POTEE: variants seen among roughly 807,000 people sequenced by gnomAD.
POTEE encodes POTE ankyrin domain family member E.
In POTEE, 21 loss-of-function variants were observed where a neutral mutation model predicts 74.2. The observed-to-expected ratio is 0.28, with a 90% CI of 0.20 to 0.41. POTEE has a LOEUF of 0.41. Ranked by LOEUF, POTEE falls within the 10% of genes least tolerant of loss-of-function variation. The pLI, the probability that POTEE is intolerant of heterozygous loss-of-function variation, is 1.00. For missense variants in POTEE, 525 were observed against 1,158.6 expected, an observed-to-expected ratio of 0.45 and a Z score of 7.94; for synonymous variants, 211 against 432.8, an observed-to-expected ratio of 0.49 and a Z score of 6.36.
At chr2:131,235,347 G>A (rs932733473) in intron 9 of POTEE, among the ~76,000 whole-genome samples, 1 of 152,158 alleles carries the variant, frequency 6.6e-6, no homozygotes, top group African/African-American at 2.4e-5. Context: ...GAGCAGACGG[G>A]ACAGACATGT....
At position 131,263,955 on chromosome 2, in the gene POTEE, G is replaced by C. The variant is rs763320635; in HGVS notation, c.2500G>C (p.Val834Leu). The change falls in exon 18 of 18, where the codon GTG (valine) becomes CTG (leucine). Residue 834 changes from valine to leucine, a missense_variant. Physicochemically the swap from Val to Leu is conservative, Grantham distance 32. Transcript: ENST00000683005. ...FETFNTPAMY[V>L]AIQAVPSLYT... The stretch of plus-strand genomic sequence containing the variant: ...GACCTTCAACACCCCAGCCATGTAC[G>C]TGGCCATCCAGGCCGTGCCGTCCCT... 5.6e-6 allele frequency: 9 copies of C among 1,613,964 alleles called. No individual in the cohort carries two copies. The highest frequency in any genetic ancestry group is 1.1e-5 in the South Asian group (1 of 91,086).
At chr2:131,232,807 G>A (rs1311883570) in intron 9 of POTEE, among the ~76,000 whole-genome samples, 1 of 151,744 alleles carries the variant, frequency 6.6e-6, no homozygotes, top group African/African-American at 2.4e-5. Context: ...TGGCTAATCC[G>A]CAGCAGCTCC....
At chr2:131,256,846 A>T (rs1361477621) in intron 16 of POTEE, among the ~76,000 whole-genome samples, 4 of 152,288 alleles carry the variant, frequency 2.6e-5, no homozygotes, top group Non-Finnish European at 5.9e-5. Flanking sequence ...GAAAGGAATT[A>T]GGATTGTATC....
intron 7 of POTEE, 147 bp from the exon 8 acceptor site, chr2:131,228,097 T>G: frequency 6.9e-7 from 1 of 1,447,074 alleles, no homozygotes; most frequent in South Asian, 1.4e-5. Flanking sequence ...TTTACAAAGA[T>G]GAACACTTGA....
intron 4 of POTEE, among the ~76,000 whole-genome samples, chr2:131,221,004 C>G (rs57968349): frequency 6.7e-6 from 1 of 149,010 alleles, no homozygotes; most frequent in Non-Finnish European, 1.5e-5. Flanking sequence ...ATACTGTTTT[C>G]TGTCCACAAA....
intron 8 of POTEE, among the ~76,000 whole-genome samples, chr2:131,230,130 C>G (rs569334188): frequency 6.6e-6 from 1 of 151,856 alleles, no homozygotes; most frequent in Non-Finnish European, 1.5e-5. Flanking sequence ...TGATCAACTC[C>G]GTAATAGTGG....
At chr2:131,224,285 T>G (rs1700717905) in intron 6 of POTEE, among the ~76,000 whole-genome samples, 1 of 150,762 alleles carries the variant, frequency 6.6e-6, no homozygotes, top group African/African-American at 2.5e-5. Context: ...ACACTGAATT[T>G]GTAAAAGATA....
intron 2 of POTEE, among the ~76,000 whole-genome samples, chr2:131,216,838 GTCCAGAATAGGCAAATCCT>G (rs1438356825): frequency 1.3e-5 from 2 of 151,408 alleles, no homozygotes; most frequent in Non-Finnish European, 2.9e-5. Context: ...TACATGAAAT[GTCCAGAATAGGCAAATCCT>G]TCCAGAATAG....
At chr2:131,257,184 A>G (rs1444477310) in intron 16 of POTEE, among the ~76,000 whole-genome samples, 1 of 100,086 alleles carries the variant, frequency 1.0e-5, no homozygotes, top group African/African-American at 4.1e-5. Flanking sequence ...ATTTTGCCGT[A>G]TCTGTCTGTT....
At chr2:131,231,882 C>T (rs1180478759) in intron 9 of POTEE, among the ~76,000 whole-genome samples, 13 of 152,030 alleles carry the variant, frequency 8.6e-5, no homozygotes, top group African/African-American at 2.9e-4. Context: ...TTAATTTAGC[C>T]ATCTATTTAT....
Position 131,237,259 on chromosome 2 carries a change from T to C in POTEE, c.1197+457T>C, listed in dbSNP as rs2105103484. Reference sequence around the variant, plus strand: ...TGAACAATGTAACTCTGATGGTCCCTGAGCTGGATTCATGGTTAAGGAGTA... The same window carrying C: ...TGAACAATGTAACTCTGATGGTCCCCGAGCTGGATTCATGGTTAAGGAGTA... On this transcript the variant is annotated intron_variant, in intron 10 of 17. Coordinates refer to ENST00000683005, the MANE Select transcript of POTEE (RefSeq NM_001083538.3). Among the ~76,000 whole-genome samples, 2 of 151,580 alleles carry C rather than the reference T, an allele frequency of 1.3e-5. 1 individual carries two copies. Among genetic ancestry groups the C allele is most frequent in the South Asian group, 4.2e-4 (2 of 4,794 alleles).
chr2:131,218,581 A>T lies in POTEE; in HGVS notation c.179A>T (p.Lys60Met), dbSNP rs200831133. The T allele has an allele frequency of 1.6e-4, 253 of 1,612,712 alleles. 1 individual carries two copies. The African/African-American group carries it at 3.1e-3, about 20-fold the overall frequency. ...TCTGCTATGAAGACACTCAGGAGCAAGATGGGCAAGTGGTGCCACCACTGC... is the reference window on the plus strand; with the variant it reads ...TCTGCTATGAAGACACTCAGGAGCATGATGGGCAAGTGGTGCCACCACTGC... ...DDSAMKTLRS[K>M]MGKWCHHCFP... The change falls in exon 4 of 18, where the codon AAG becomes ATG. Residue 60 changes from lysine (K) to methionine (M), a missense_variant. Coordinates refer to ENST00000683005, the MANE Select transcript of POTEE (RefSeq NM_001083538.3).
chr2:131,236,254 C>G lies in POTEE; in HGVS notation c.1127-478C>G, dbSNP rs1402797820. 2.0e-5 allele frequency among the ~76,000 whole-genome samples: 3 copies of G among 152,052 alleles called. No individual in the cohort carries two copies. The East Asian group carries it at 5.8e-4, about 29-fold the overall frequency. ...CAGTAAAGGATTTTGTTTTCTTAAC[C>G]TTGCTCTGGGATGTCTGGAGCCCAT... On this transcript the variant is annotated intron_variant, in intron 9 of 17. Coordinates refer to ENST00000683005, the MANE Select transcript of POTEE (RefSeq NM_001083538.3).
chr2:131,258,557 G>A (rs1285733927), intron 16 of POTEE, among the ~76,000 whole-genome samples: 3 of 151,838 alleles, frequency 2.0e-5, no homozygotes, highest in Non-Finnish European at 4.4e-5. Flanking sequence ...TACAATAATA[G>A]TGATATTGTT....
In POTEE at chr2:131,228,220, C is replaced by A. The variant is rs374870868; in HGVS notation, c.918-24C>A. The A allele has an allele frequency of 4.1e-3, 6,616 of 1,610,164 alleles. 3 individuals are homozygous for A. The African/African-American group carries it at 0.068, about 17-fold the overall frequency. On this transcript the variant is annotated intron_variant, in intron 7 of 17. Coordinates refer to ENST00000683005, the MANE Select transcript of POTEE (RefSeq NM_001083538.3). The stretch of plus-strand genomic sequence containing the variant: ...ATTAGCTTTAAAAATAACTTTATTA[C>A]AGTTCCTATCTCTGTCATTTTAGGA...
chr2:131,257,005 C>G (rs1311400063), intron 16 of POTEE, among the ~76,000 whole-genome samples: 8 of 150,362 alleles, frequency 5.3e-5, no homozygotes, highest in African/African-American at 1.9e-4. Context: ...TTAACATCAT[C>G]ATTTTTTAGA....
chr2:131,223,246 G>GTGGT (rs1217705901), intron 4 of POTEE, among the ~76,000 whole-genome samples: 2 of 96,030 alleles, frequency 2.1e-5, no homozygotes, highest in African/African-American at 7.6e-5. Context: ...AAGCATTAGA[G>GTGGT]TGGTTTCCTG....
At chr2:131,217,889 C>T (rs1490765441) in intron 3 of POTEE, among the ~76,000 whole-genome samples, 2 of 149,454 alleles carry the variant, frequency 1.3e-5, no homozygotes, top group Non-Finnish European at 3.0e-5. Flanking sequence ...GCGCACGCCG[C>T]ACGCGCGTAA....
Position 131,231,397 on chromosome 2 carries a change from G to C in POTEE, c.1126+491G>C, listed in dbSNP as rs1457470559. ...GCTTGCCTGCTGCTCACCTCCTCCTGTGTGGTGTGGTTCATAATAGTCCAT... is the reference window on the plus strand; with the variant it reads ...GCTTGCCTGCTGCTCACCTCCTCCTCTGTGGTGTGGTTCATAATAGTCCAT... On this transcript the variant is annotated intron_variant, in intron 9 of 17. Transcript: ENST00000683005. 1.3e-5 allele frequency among the ~76,000 whole-genome samples: 2 copies of C among 151,900 alleles called. 1 individual carries two copies. The highest frequency in any genetic ancestry group is 2.9e-5 in the Non-Finnish European group (2 of 67,984).
Sources: allele counts gnomAD v4.1 joint callset (sites outside exome capture counted in the v4.1 genomes callset), GRCh38; gene constraint gnomAD v4.1.1; transcripts MANE v1.5; gene names NCBI Gene and HGNC (gene_info 2026-07-23, HGNC 2026-07-21).